Variants in SPOCK3 observed in about 807,000 individuals in gnomAD.
The protein encoded by SPOCK3 is testican-3.
A neutral mutation model predicts 56.6 loss-of-function variants in SPOCK3; 30 were observed. That is an observed-to-expected ratio of 0.53 (90% confidence interval 0.40 to 0.72). The LOEUF (loss-of-function observed/expected upper bound fraction) is 0.72, where lower values mean the gene tolerates loss of function less well. Among genes scored for constraint, SPOCK3 ranks in the 30% least tolerant of loss-of-function variants. The pLI is 0.00. For synonymous variants in SPOCK3, 196 were observed against 183.3 expected (o/e 1.07, Z -0.56); for missense variants, 527 against 530.0 (o/e 0.99, Z 0.06).
chr4:166,734,890 T>C lies in SPOCK3; in HGVS notation c.*31A>G, dbSNP rs1734057950. ...CTATCATTTTTGTAAATATTAGAAA[T>C]GTAGAATTTATTGATTTCAACTGTC... On this transcript the variant is annotated 3_prime_UTR_variant, in exon 11 of 11. Transcript: ENST00000357545. 2.1e-6 allele frequency: 3 copies of C among 1,461,002 alleles called. No homozygotes were observed. Among genetic ancestry groups the C allele is most frequent in the African/African-American group, 2.8e-5 (2 of 70,212 alleles). The allele number at this position is 1,461,002 out of a possible 1,614,324, so 90.5% of individuals were successfully genotyped here.
intron 6 of SPOCK3, among the ~76,000 whole-genome samples, chr4:166,881,765 G>A (rs1369061451): frequency 6.6e-6 from 1 of 152,026 alleles, no homozygotes; most frequent in East Asian, 1.9e-4. Flanking sequence ...ATCATTTTAA[G>A]AGACTGTTCA....
chr4:167,055,352 C>G (rs981469605), intron 3 of SPOCK3, among the ~76,000 whole-genome samples: 2 of 152,186 alleles, frequency 1.3e-5, no homozygotes, highest in African/African-American at 2.4e-5. Context: ...CAGCTCCGGT[C>G]TACAGCTCCC....
intron 2 of SPOCK3, among the ~76,000 whole-genome samples, chr4:167,160,698 G>A (rs1765221335): frequency 6.6e-6 from 1 of 152,102 alleles, no homozygotes; most frequent in African/African-American, 2.4e-5. Context: ...CAGAGATATA[G>A]ACCAATGGAA....
At chr4:167,091,988 A>G (rs932744211) in intron 2 of SPOCK3, among the ~76,000 whole-genome samples, 3 of 152,066 alleles carry the variant, frequency 2.0e-5, no homozygotes, top group African/African-American at 7.2e-5. Context: ...TCCTTCCACC[A>G]GGGGTTGGCT....
intron 2 of SPOCK3, among the ~76,000 whole-genome samples, chr4:167,128,075 C>T (rs1309169655): frequency 3.3e-5 from 5 of 152,174 alleles, no homozygotes; most frequent in Non-Finnish European, 4.4e-5. Context: ...GTTCTTCAAA[C>T]TCTCTCTTTA....
chr4:166,961,710 G>A lies in SPOCK3; in HGVS notation c.350+38639C>T, dbSNP rs189659088. On this transcript the variant is annotated intron_variant, in intron 4 of 10. Transcript: ENST00000357545. ...CAAAACCTTCCAAAAGATAGTTTCC[G>A]GGACATTTTTTCCTTGCAATTCAAG... Among the ~76,000 whole-genome samples, 100 of 152,024 alleles carry A rather than the reference G, an allele frequency of 6.6e-4. 2 individuals carry two copies. The East Asian group carries it at 9.7e-3, about 15-fold the overall frequency.
chr4:167,096,102 A>G (rs527669443), intron 2 of SPOCK3, among the ~76,000 whole-genome samples: 2 of 152,084 alleles, frequency 1.3e-5, no homozygotes, highest in East Asian at 3.9e-4. Flanking sequence ...GAAGAACACC[A>G]TAAAAAGACC....
intron 2 of SPOCK3, among the ~76,000 whole-genome samples, chr4:167,124,526 C>G (rs929536466): frequency 2.0e-5 from 3 of 152,168 alleles, no homozygotes; most frequent in African/African-American, 7.2e-5. Context: ...ATGCCCTTTT[C>G]TCCCCCACAC....
At chr4:166,747,786 G>A (rs1735842889) in intron 8 of SPOCK3, among the ~76,000 whole-genome samples, 1 of 152,004 alleles carries the variant, frequency 6.6e-6, no homozygotes, top group South Asian at 2.1e-4. Flanking sequence ...CTTCAGCAAA[G>A]TCTCAGGATA....
At chr4:167,172,959 C>T (rs1730640565) in intron 2 of SPOCK3, among the ~76,000 whole-genome samples, 1 of 152,018 alleles carries the variant, frequency 6.6e-6, no homozygotes, top group Admixed American at 6.6e-5. Flanking sequence ...AATAAATCCT[C>T]CTCTTATTTC....
chr4:166,736,559 C>CT (rs918736773), intron 10 of SPOCK3, among the ~76,000 whole-genome samples: 2 of 151,926 alleles, frequency 1.3e-5, no homozygotes, highest in African/African-American at 2.4e-5. Context: ...TATTGTTTAT[C>CT]TTTTTTTAAT....
intron 8 of SPOCK3, among the ~76,000 whole-genome samples, chr4:166,749,769 CT>C (rs1736135902): frequency 6.6e-6 from 1 of 151,974 alleles, no homozygotes; most frequent in Admixed American, 6.6e-5. Flanking sequence ...TCCTGATAAT[CT>C]TCTGAGTCTC....
At chr4:167,111,381 C>T (rs1246720442) in intron 2 of SPOCK3, among the ~76,000 whole-genome samples, 1 of 151,698 alleles carries the variant, frequency 6.6e-6, no homozygotes, top group African/African-American at 2.4e-5. Flanking sequence ...TTCATGAGAC[C>T]TAATCCCAGC....
At position 166,742,074 on chromosome 4, in the gene SPOCK3, A is replaced by C. The variant is rs762971791; in HGVS notation, c.932-15T>G. ...GCAAGGTGGGTCTGCAATGACATTA[A>C]AAATGTTACTTCAAGGATTCTAGTT... On this transcript the variant is annotated splice_polypyrimidine_tract_variant and intron_variant, in intron 8 of 10. Coordinates refer to ENST00000357545, the MANE Select transcript of SPOCK3 (RefSeq NM_001040159.2). 3.8e-6 allele frequency: 6 copies of C among 1,592,198 alleles called. No homozygotes were observed. Among genetic ancestry groups the C allele is most frequent in the Non-Finnish European group, 1.7e-6 (2 of 1,161,904 alleles).
intron 2 of SPOCK3, among the ~76,000 whole-genome samples, chr4:167,189,916 G>A (rs1424858895): frequency 6.9e-6 from 1 of 145,640 alleles, no homozygotes; most frequent in Non-Finnish European, 1.5e-5. Context: ...CTTAGTATAG[G>A]TGAAATCTGT....
At chr4:167,142,205 A>G (rs1232454961) in intron 2 of SPOCK3, among the ~76,000 whole-genome samples, 1 of 151,950 alleles carries the variant, frequency 6.6e-6, no homozygotes, top group African/African-American at 2.4e-5. Context: ...AAGCAATATG[A>G]GCAAGTAAAT....
At chr4:166,773,158 G>A (rs931729313) in intron 7 of SPOCK3, among the ~76,000 whole-genome samples, 4 of 152,012 alleles carry the variant, frequency 2.6e-5, no homozygotes, top group African/African-American at 7.3e-5. Context: ...GTTTCTATAA[G>A]GGTCTCCTCT....
intron 2 of SPOCK3, among the ~76,000 whole-genome samples, chr4:167,153,288 CA>C (rs1365041976): frequency 3.9e-5 from 6 of 152,062 alleles, no homozygotes; most frequent in African/African-American, 1.4e-4. Flanking sequence ...AAAACAAAAA[CA>C]AAACAAAGCA....
intron 2 of SPOCK3, among the ~76,000 whole-genome samples, chr4:167,069,704 T>C (rs1211204174): frequency 6.6e-6 from 1 of 151,956 alleles, no homozygotes; most frequent in Non-Finnish European, 1.5e-5. Context: ...GTTCACAGGA[T>C]TTTGCTGTAA....
Sources: gnomAD v4.1 joint callset for allele counts (sites outside exome capture counted in the v4.1 genomes callset) on GRCh38, gnomAD v4.1.1 for gene constraint, MANE v1.5 for transcripts, NCBI Gene and HGNC (gene_info 2026-07-23, HGNC 2026-07-21) for gene names.